Variants in SLC13A1 observed in about 807,000 individuals in gnomAD.
SLC13A1 encodes Na(+)/sulfate cotransporter.
In SLC13A1, 65 loss-of-function variants were observed where a neutral mutation model predicts 70.0. The ratio of observed to expected loss-of-function variants is 0.93; its 90% CI spans 0.76 to 1.14. SLC13A1 has a LOEUF of 1.14. Among genes scored for constraint, SLC13A1 ranks in the 50% most tolerant of loss-of-function variants. The pLI, the probability that SLC13A1 is intolerant of heterozygous loss-of-function variation, is 0.00. For synonymous variants in SLC13A1, 275 were observed against 250.5 expected, an observed-to-expected ratio of 1.10 and a Z score of -0.92; for missense variants, 726 against 717.8, an observed-to-expected ratio of 1.01 and a Z score of -0.13.
intron 6 of SLC13A1, among the ~76,000 whole-genome samples, chr7:123,156,811 G>T (rs1259046280): frequency 6.6e-6 from 1 of 151,936 alleles, no homozygotes; most frequent in East Asian, 1.9e-4. Flanking sequence ...CCTTCTCAAG[G>T]CCTCATTCTT....
rs144981331 is a variant in SLC13A1, at chr7:123,140,203, C to T, written c.813-5674G>A. ...TTAAAATGATCATATAGTTTTGGTC[C>T]TTCCTTTTGTTGTTATGATGTATTA... On this transcript the variant is annotated intron_variant, in intron 7 of 14. Coordinates refer to ENST00000194130, the MANE Select transcript of SLC13A1 (RefSeq NM_022444.4). 3.3e-3 allele frequency among the ~76,000 whole-genome samples: 499 copies of T among 151,904 alleles called. 4 individuals are homozygous for T. The highest frequency in any genetic ancestry group is 0.012 in the African/African-American group (483 of 41,466).
chr7:123,129,416 A>G lies in SLC13A1; in HGVS notation c.998T>C (p.Ile333Thr). The G allele has an allele frequency of 1.2e-6, 2 of 1,602,370 alleles. No individual in the cohort carries two copies. Among genetic ancestry groups the G allele is most frequent in the Non-Finnish European group, 8.5e-7 (1 of 1,176,358 alleles). Residue 333 changes from isoleucine (I) to threonine (T), a missense_variant, in exon 9 of 15, where the codon ATT becomes ACT. Ile to Thr is a moderately conservative substitution (Grantham distance 89). Transcript: ENST00000194130. ...CCCAAGCTTTTGGTATTCTTGCTTAATCACCTCAGCACAAGCTTTTTGTTG... is the reference window on the plus strand; with the variant it reads ...CCCAAGCTTTTGGTATTCTTGCTTAGTCACCTCAGCACAAGCTTTTTGTTG... ...TVQQKACAEV[I>T]KQEYQKLGPI... is the part of the protein sequence containing the mutation.
At chr7:123,199,230 A>G (rs1796276723) in intron 1 of SLC13A1, among the ~76,000 whole-genome samples, 1 of 152,168 alleles carries the variant, frequency 6.6e-6, no homozygotes, top group African/African-American at 2.4e-5. Flanking sequence ...CTACTCTTAA[A>G]AAGCAAACAA....
At chr7:123,137,768 T>C (rs1002416354) in intron 7 of SLC13A1, among the ~76,000 whole-genome samples, 3 of 152,166 alleles carry the variant, frequency 2.0e-5, no homozygotes, top group Non-Finnish European at 4.4e-5. Context: ...AAAAAAATTC[T>C]TAAAATTTTT....
intron 6 of SLC13A1, among the ~76,000 whole-genome samples, chr7:123,150,081 C>T (rs1369446034): frequency 2.0e-5 from 3 of 152,150 alleles, no homozygotes; most frequent in South Asian, 2.1e-4. Flanking sequence ...TGGGATCATT[C>T]ATGATCACAA....
chr7:123,119,311 T>C, intron 12 of SLC13A1, 69 bp from the exon 13 acceptor site: 1 of 1,032,458 alleles, frequency 9.7e-7, no homozygotes, highest in Non-Finnish European at 1.4e-6. Context: ...ATAAAATCCA[T>C]AAAAAAACAT....
At chr7:123,182,922 C>T (rs999172016) in intron 1 of SLC13A1, among the ~76,000 whole-genome samples, 1 of 152,030 alleles carries the variant, frequency 6.6e-6, no homozygotes, top group Admixed American at 6.6e-5. Flanking sequence ...GCATTCAAAC[C>T]CACCTTCACT....
intron 1 of SLC13A1, among the ~76,000 whole-genome samples, chr7:123,182,184 CA>C (rs1795661694): frequency 6.6e-6 from 1 of 152,098 alleles, no homozygotes; most frequent in Admixed American, 6.6e-5. Context: ...AACAACAAAA[CA>C]AAGCTGAGCC....
At chr7:123,149,308 G>A (rs2116432481) in intron 6 of SLC13A1, 1 of 365,074 alleles carries the variant, frequency 2.7e-6, no homozygotes, top group South Asian at 2.1e-5. Flanking sequence ...ACTTGATTAG[G>A]TAAAGAAATT....
At chr7:123,188,906 G>C (rs1165464669) in intron 1 of SLC13A1, among the ~76,000 whole-genome samples, 2 of 151,626 alleles carry the variant, frequency 1.3e-5, no homozygotes, top group Non-Finnish European at 2.9e-5. Flanking sequence ...ACGAGGTCAG[G>C]AGATCGAGAC....
intron 10 of SLC13A1, among the ~76,000 whole-genome samples, chr7:123,127,423 G>C (rs144813951): frequency 3.3e-5 from 5 of 151,978 alleles, no homozygotes; most frequent in African/African-American, 1.2e-4. Context: ...TAATTCTTAC[G>C]CACTGGTGTT....
intron 1 of SLC13A1, among the ~76,000 whole-genome samples, chr7:123,198,385 C>G (rs1796249490): frequency 6.6e-6 from 1 of 151,770 alleles, no homozygotes; most frequent in South Asian, 2.1e-4. Flanking sequence ...CTGACAAGGT[C>G]TTTTAGTTAT....
At chr7:123,179,969 G>A (rs528878066) in intron 2 of SLC13A1, among the ~76,000 whole-genome samples, 1 of 152,088 alleles carries the variant, frequency 6.6e-6, no homozygotes, top group Non-Finnish European at 1.5e-5. Context: ...AAGCTTAATA[G>A]ATTATAGCTC....
chr7:123,198,127 A>G lies in SLC13A1; in HGVS notation c.99+1721T>C, dbSNP rs370256536. ...CATGATAGGATTCAGCCAAATCTAG[A>G]GGACTCATGGGACCAGGAGAGTTGC... On this transcript the variant is annotated intron_variant, in intron 1 of 14. Transcript: ENST00000194130. Among the ~76,000 whole-genome samples the G allele has an allele frequency of 2.9e-4, 44 of 152,144 alleles. No homozygotes were observed. In the East Asian group the frequency reaches 8.4e-3, roughly 29 times the overall value.
At chr7:123,126,723 A>G (rs1793574707) in intron 10 of SLC13A1, among the ~76,000 whole-genome samples, 1 of 152,112 alleles carries the variant, frequency 6.6e-6, no homozygotes, top group African/African-American at 2.4e-5. Flanking sequence ...TTAAAAATCT[A>G]CCTTACCATA....
chr7:123,196,022 G>A (rs1315050291), intron 1 of SLC13A1, among the ~76,000 whole-genome samples: 2 of 152,062 alleles, frequency 1.3e-5, no homozygotes, highest in Admixed American at 6.6e-5. Context: ...AAATAAGTAA[G>A]GAAATAGTAT....
intron 6 of SLC13A1, among the ~76,000 whole-genome samples, chr7:123,150,640 C>A (rs1458754808): frequency 1.3e-5 from 2 of 152,102 alleles, no homozygotes; most frequent in Admixed American, 6.6e-5. Flanking sequence ...AATGCACTTC[C>A]TGTGATTATC....
At position 123,113,819 on chromosome 7, in the gene SLC13A1, A is replaced by G. The variant is rs1793082208; in HGVS notation, c.*1699T>C. 1 of 152,324 alleles carries G rather than the reference A, an allele frequency of 6.6e-6. No individual in the cohort carries two copies. The highest frequency in any genetic ancestry group is 2.4e-5 in the African/African-American group (1 of 41,580). The allele number at this position is 152,324 out of a possible 1,614,324, so 9.4% of individuals were successfully genotyped here. A position where few individuals can be genotyped will look rare whatever the true frequency, so the allele number is the denominator to read the frequency against. On this transcript the variant is annotated 3_prime_UTR_variant, in exon 15 of 15. Coordinates refer to ENST00000194130, the MANE Select transcript of SLC13A1 (RefSeq NM_022444.4). ...ATTAATAAACATAGATAAATAATGA[A>G]CATGGCCAATTAATAATTCGTATGT...
intron 7 of SLC13A1, among the ~76,000 whole-genome samples, chr7:123,140,893 G>C (rs1794113342): frequency 6.6e-6 from 1 of 151,758 alleles, no homozygotes; most frequent in South Asian, 2.1e-4. Context: ...GATTTTTTTG[G>C]TATTGTTTTC....
Sources: allele counts gnomAD v4.1 joint callset (sites outside exome capture counted in the v4.1 genomes callset), GRCh38; gene constraint gnomAD v4.1.1; transcripts MANE v1.5; gene names NCBI Gene and HGNC (gene_info 2026-07-23, HGNC 2026-07-21).